The following PCDHA3 variants were observed in gnomAD, a reference collection of about 807,000 sequenced individuals.
The protein encoded by PCDHA3 is protocadherin alpha-3.
In PCDHA3, 41 loss-of-function variants were observed where a neutral mutation model predicts 62.2. The observed-to-expected ratio is 0.66, with a 90% confidence interval of 0.51 to 0.86. The LOEUF (loss-of-function observed/expected upper bound fraction) is 0.86, where lower values mean the gene tolerates loss of function less well. PCDHA3 is among the 40% of genes least tolerant of loss of function. The pLI is 0.00. For missense variants in PCDHA3, 1,304 were observed against 1,241.2 expected, an observed-to-expected ratio of 1.05 and a Z score of -0.76; for synonymous variants, 640 against 555.4, an observed-to-expected ratio of 1.15 and a Z score of -2.14.
At position 140,849,885 on chromosome 5, in the gene PCDHA3, G is replaced by A. The variant is rs2150456327; in HGVS notation, c.2394+46294G>A. On this transcript the variant is annotated intron_variant, in intron 1 of 3. Transcript: ENST00000522353. ...CGCGCAGTCCGAGTACACGGTGTTC[G>A]TGAAGGAGAACAACCCGCCGGGCTG... The A allele has an allele frequency of 1.6e-5, 25 of 1,598,614 alleles. 3 individuals carry two copies. Among genetic ancestry groups the A allele is most frequent in the Non-Finnish European group, 2.0e-5 (23 of 1,167,994 alleles).
chr5:140,858,459 TC>T, intron 1 of PCDHA3: 5 of 1,527,032 alleles, frequency 3.3e-6, no homozygotes, highest in Non-Finnish European at 4.4e-6. Context: ...GTTTTCATTT[TC>T]CTTTTGTGCT....
chr5:140,857,484 G>C (rs1044921765), intron 1 of PCDHA3: 1 of 1,598,418 alleles, frequency 6.3e-7, no homozygotes, highest in African/African-American at 1.3e-5. Flanking sequence ...GTGTCTGCGT[G>C]GGACGCGGAC....
At chr5:140,971,510 A>G (rs1166115283) in intron 1 of PCDHA3, among the ~76,000 whole-genome samples, 3 of 152,152 alleles carry the variant, frequency 2.0e-5, no homozygotes, top group Non-Finnish European at 2.9e-5. Flanking sequence ...TAGGAGCAAA[A>G]GCCACTCAGT....
At chr5:140,849,211 C>A in intron 1 of PCDHA3, 1 of 1,031,972 alleles carries the variant, frequency 9.7e-7, no homozygotes, top group East Asian at 2.6e-5. Context: ...AATGACAATG[C>A]CCCAGTGTTC....
intron 3 of PCDHA3, among the ~76,000 whole-genome samples, chr5:140,990,006 G>T (rs1249732911): frequency 1.3e-5 from 2 of 152,116 alleles, no homozygotes; most frequent in Non-Finnish European, 2.9e-5. Flanking sequence ...ATCTCCAAGG[G>T]CGTGGGCTAG....
chr5:140,851,631 T>C, intron 1 of PCDHA3: 1 of 919,266 alleles, frequency 1.1e-6, no homozygotes. Flanking sequence ...TTTAAACAAG[T>C]GTTTCCTTTC....
In PCDHA3 at chr5:141,000,775, C is replaced by T. The variant is rs919489031; in HGVS notation, c.2543-8852C>T. 3.3e-5 allele frequency among the ~76,000 whole-genome samples: 5 copies of T among 151,752 alleles called. No homozygotes were observed. In the East Asian group the frequency reaches 5.8e-4, roughly 18 times the overall value. On this transcript the variant is annotated intron_variant, in intron 3 of 3. Transcript: ENST00000522353. ...AAAAAATCTTAGCCAGGCATAGTGG[C>T]GCACACCTGTATTCCTAGCTACTCA...
intron 2 of PCDHA3, among the ~76,000 whole-genome samples, chr5:140,979,807 A>G (rs376087021): frequency 1.3e-4 from 20 of 152,376 alleles, no homozygotes; most frequent in African/African-American, 4.1e-4. Flanking sequence ...CACAACTATC[A>G]AAAGGATTTA....
At chr5:140,966,868 G>A (rs781853403) in intron 1 of PCDHA3, 47 of 1,580,198 alleles carry the variant, frequency 3.0e-5, no homozygotes, top group Non-Finnish European at 3.7e-5. Flanking sequence ...TGTTGCTGCT[G>A]CTGCTACCTG....
intron 3 of PCDHA3, among the ~76,000 whole-genome samples, chr5:140,985,009 C>T (rs567801905): frequency 9.3e-4 from 141 of 152,162 alleles, no homozygotes; most frequent in African/African-American, 3.3e-3. Flanking sequence ...ACGATATCGG[C>T]TCACAGCAAC....
intron 1 of PCDHA3, chr5:140,824,634 T>TTTTTTTTTTTTTTTTG: frequency 8.7e-6 from 1 of 115,218 alleles, no homozygotes; most frequent in African/African-American, 4.3e-5. Context: ...TTTTTTTTTA[T>TTTTTTTTTTTTTTTTG]TTTCTGTAGA....
At chr5:140,804,051 GA>G (rs1763327838) in intron 1 of PCDHA3, 1 of 164,994 alleles carries the variant, frequency 6.1e-6, no homozygotes. Context: ...ACTCCCTATT[GA>G]TTATGCTTTT....
chr5:140,906,957 G>T (rs1301709159), intron 1 of PCDHA3, among the ~76,000 whole-genome samples: 2 of 152,144 alleles, frequency 1.3e-5, no homozygotes, highest in Admixed American at 6.5e-5. Flanking sequence ...CCAGTTTAAT[G>T]GAATCGTGGT....
At chr5:140,831,061 C>T (rs1771357408) in intron 1 of PCDHA3, 1 of 152,162 alleles carries the variant, frequency 6.6e-6, no homozygotes, top group Non-Finnish European at 1.5e-5. Context: ...TATTGTCCCC[C>T]TTTTAAACCA....
chr5:140,918,456 T>A (rs782254836), intron 1 of PCDHA3, among the ~76,000 whole-genome samples: 9 of 152,316 alleles, frequency 5.9e-5, no homozygotes, highest in South Asian at 4.1e-4. Flanking sequence ...GTGGGCATCC[T>A]TGTCTTATTC....
chr5:140,844,559 T>A (rs2150371995), intron 1 of PCDHA3, among the ~76,000 whole-genome samples: 6 of 149,706 alleles, frequency 4.0e-5, no homozygotes, highest in African/African-American at 1.5e-4. Flanking sequence ...AGTTGGAATA[T>A]TTTCAATAAT....
intron 1 of PCDHA3, chr5:140,853,842 C>G: frequency 1.0e-6 from 1 of 986,448 alleles, no homozygotes; most frequent in Non-Finnish European, 1.2e-6. Flanking sequence ...AATTTTAGAT[C>G]CATAGCCCTA....
intron 3 of PCDHA3, among the ~76,000 whole-genome samples, chr5:140,992,722 C>T (rs1455058842): frequency 1.3e-5 from 2 of 152,154 alleles, no homozygotes; most frequent in Non-Finnish European, 2.9e-5. Context: ...ATTCGTAAAT[C>T]CCACCTGCTT....
Position 140,923,530 on chromosome 5 carries a change from A to G in PCDHA3, c.2395-55419A>G, listed in dbSNP as rs115719485. On this transcript the variant is annotated intron_variant, in intron 1 of 3. Coordinates refer to ENST00000522353, the MANE Select transcript of PCDHA3 (RefSeq NM_018906.3). ...GATGATGAAGTGAGATTCTGTCCCAAAAAAAGGACAAAATGAAATATCAGC... is the reference window on the plus strand; with the variant it reads ...GATGATGAAGTGAGATTCTGTCCCAGAAAAAGGACAAAATGAAATATCAGC... Among the ~76,000 whole-genome samples, 836 of 152,264 alleles carry G rather than the reference A, an allele frequency of 5.5e-3. 5 individuals carry two copies. The highest frequency in any genetic ancestry group is 0.019 in the African/African-American group (794 of 41,534).
Sources: gnomAD v4.1 joint callset for allele counts (sites outside exome capture counted in the v4.1 genomes callset) on GRCh38, gnomAD v4.1.1 for gene constraint, MANE v1.5 for transcripts, NCBI Gene and HGNC (gene_info 2026-07-23, HGNC 2026-07-21) for gene names.